Variants in THSD4 observed in about 807,000 individuals in gnomAD.
THSD4 encodes the protein thrombospondin type-1 domain-containing protein 4.
A neutral mutation model predicts 119.0 loss-of-function variants in THSD4; 69 were observed. The ratio of observed to expected loss-of-function variants is 0.58; its 90% CI spans 0.48 to 0.71. THSD4 has a LOEUF of 0.71. THSD4 is among the 30% of genes least tolerant of loss of function. The pLI is 0.00. For synonymous variants in THSD4, 524 were observed against 540.4 expected, an observed-to-expected ratio of 0.97 and a Z score of 0.42; for missense variants, 1,393 against 1,391.1, an observed-to-expected ratio of 1.00 and a Z score of -0.02.
At chr15:71,399,786 G>C (rs1596401971) in intron 6 of THSD4, among the ~76,000 whole-genome samples, 2 of 152,264 alleles carry the variant, frequency 1.3e-5, no homozygotes, top group East Asian at 3.9e-4. Context: ...AAACTCCAGG[G>C]AGTGGGGTCC....
chr15:71,192,455 G>A (rs551673529), intron 3 of THSD4, among the ~76,000 whole-genome samples: 2 of 151,992 alleles, frequency 1.3e-5, no homozygotes, highest in African/African-American at 4.8e-5. Flanking sequence ...GATAATTTTT[G>A]TATTTTTAGT....
At chr15:71,593,917 C>CA (rs201655785) in intron 7 of THSD4, among the ~76,000 whole-genome samples, 7 of 150,310 alleles carry the variant, frequency 4.7e-5, no homozygotes, top group Non-Finnish European at 4.4e-5. Flanking sequence ...TTCCCACCCC[C>CA]CCGGCAAAAA....
intron 6 of THSD4, among the ~76,000 whole-genome samples, chr15:71,387,811 A>G (rs2046314775): frequency 1.3e-5 from 2 of 152,222 alleles, no homozygotes; most frequent in Admixed American, 1.3e-4. Flanking sequence ...GCTTAGGAAA[A>G]GCATCTTAAA....
At chr15:71,211,091 T>A (rs1292923136) in intron 3 of THSD4, among the ~76,000 whole-genome samples, 1 of 152,216 alleles carries the variant, frequency 6.6e-6, no homozygotes, top group African/African-American at 2.4e-5. Context: ...CAAATTTAGA[T>A]TCTAATCAGC....
chr15:71,433,621 A>T (rs984099067), intron 7 of THSD4, among the ~76,000 whole-genome samples: 1 of 152,158 alleles, frequency 6.6e-6, no homozygotes, highest in Non-Finnish European at 1.5e-5. Context: ...TTGGGCACAC[A>T]GGTGGCTATG....
Position 71,341,416 on chromosome 15 carries a change from C to G in THSD4, c.1016-70271C>G. 1.9e-6 allele frequency: 3 copies of G among 1,612,686 alleles called. No individual in the cohort carries two copies. The Admixed American group carries it at 5.0e-5, about 27-fold the overall frequency. On this transcript the variant is annotated intron_variant, in intron 6 of 17. Transcript: ENST00000261862. ...CTAAACCCTTAAGTTCAGCATTACT[C>G]TCTGCGTTTTTAAGCATGTGCAGCA...
chr15:71,512,843 GCT>G (rs1370708712), intron 7 of THSD4, among the ~76,000 whole-genome samples: 1 of 152,108 alleles, frequency 6.6e-6, no homozygotes, highest in African/African-American at 2.4e-5. Context: ...GCTTGTGGTA[GCT>G]CTGTTTTTTA....
chr15:71,313,817 C>T (rs536136638), intron 6 of THSD4, among the ~76,000 whole-genome samples: 10 of 152,264 alleles, frequency 6.6e-5, no homozygotes, highest in South Asian at 4.1e-4. Context: ...GGGGGCTCTC[C>T]GTAGCTTTCA....
intron 7 of THSD4, among the ~76,000 whole-genome samples, chr15:71,657,050 C>T (rs1319568289): frequency 6.6e-6 from 1 of 152,112 alleles, no homozygotes; most frequent in Non-Finnish European, 1.5e-5. Context: ...TTTATGTACC[C>T]AATTGTTAAT....
At chr15:71,284,996 A>C (rs574599306) in intron 6 of THSD4, among the ~76,000 whole-genome samples, 5 of 151,740 alleles carry the variant, frequency 3.3e-5, no homozygotes, top group African/African-American at 1.2e-4. Flanking sequence ...GTCTGCATTG[A>C]CTCGTTTCTT....
chr15:71,602,422 G>A (rs1268947469), intron 7 of THSD4, among the ~76,000 whole-genome samples: 2 of 151,200 alleles, frequency 1.3e-5, no homozygotes, highest in East Asian at 1.9e-4. Context: ...GTGTGGTGGC[G>A]CATGCCTCTA....
At chr15:71,102,885 T>C (rs902242309) in intron 1 of THSD4, among the ~76,000 whole-genome samples, 7 of 152,212 alleles carry the variant, frequency 4.6e-5, no homozygotes, top group East Asian at 1.9e-4. Context: ...ATCTTCTTTT[T>C]TCCCCCCTGA....
At chr15:71,659,756 A>C (rs1354103) in intron 7 of THSD4, among the ~76,000 whole-genome samples, 5,038 of 152,264 alleles carry the variant, frequency 0.033, 291 homozygotes, top group African/African-American at 0.11. Flanking sequence ...CCCAACGGAA[A>C]CATGAATGAG....
At chr15:71,184,906 C>T (rs2043583085) in intron 3 of THSD4, among the ~76,000 whole-genome samples, 1 of 151,708 alleles carries the variant, frequency 6.6e-6, no homozygotes, top group Admixed American at 6.6e-5. Context: ...GACCCACCCG[C>T]TCCCCAAACC....
intron 8 of THSD4, among the ~76,000 whole-genome samples, chr15:71,716,768 C>A (rs774707114): frequency 6.6e-6 from 1 of 152,132 alleles, no homozygotes; most frequent in Non-Finnish European, 1.5e-5. Flanking sequence ...AAGCAGGTCT[C>A]ACTTCTTGGG....
chr15:71,509,916 A>G (rs1486007401), intron 7 of THSD4, among the ~76,000 whole-genome samples: 2 of 152,224 alleles, frequency 1.3e-5, no homozygotes, highest in Non-Finnish European at 2.9e-5. Context: ...GGCTTTAAAA[A>G]GAATTTTTTT....
At chr15:71,501,619 CT>C (rs2048114037) in intron 7 of THSD4, among the ~76,000 whole-genome samples, 1 of 152,198 alleles carries the variant, frequency 6.6e-6, no homozygotes, top group Admixed American at 6.5e-5. Context: ...ATCCAGTGTC[CT>C]CTGACTTAAT....
At chr15:71,254,312 A>T (rs1304458154) in intron 5 of THSD4, among the ~76,000 whole-genome samples, 1 of 152,186 alleles carries the variant, frequency 6.6e-6, no homozygotes, top group African/African-American at 2.4e-5. Context: ...AAGGCTTGCC[A>T]CATCTCCAGG....
At chr15:71,442,526 A>T (rs768404280) in intron 7 of THSD4, among the ~76,000 whole-genome samples, 2 of 135,688 alleles carry the variant, frequency 1.5e-5, no homozygotes, top group Non-Finnish European at 3.1e-5. Context: ...CCGAGACCAC[A>T]CCACTACACT....
Sources: gnomAD v4.1 joint callset for allele counts (sites outside exome capture counted in the v4.1 genomes callset) on GRCh38, gnomAD v4.1.1 for gene constraint, MANE v1.5 for transcripts, NCBI Gene and HGNC (gene_info 2026-07-23, HGNC 2026-07-21) for gene names.